Variants in GFPT1 observed in about 807,000 individuals in gnomAD.
The protein encoded by GFPT1 is glutamine--fructose-6-phosphate aminotransferase [isomerizing] 1.
In GFPT1, 40 loss-of-function variants were observed where a neutral mutation model predicts 92.0. The observed-to-expected ratio is 0.43, with a 90% CI of 0.34 to 0.57. The LOEUF (loss-of-function observed/expected upper bound fraction) is 0.57, where lower values mean the gene tolerates loss of function less well. Among genes scored for constraint, GFPT1 ranks in the 20% least tolerant of loss-of-function variants. The probability of loss-of-function intolerance (pLI) is 0.02; values close to 1 mark genes in which losing one functional copy is unlikely to be tolerated. For missense variants in GFPT1, 448 were observed against 869.1 expected, an observed-to-expected ratio of 0.52 and a Z score of 6.09; for synonymous variants, 269 against 280.6, an observed-to-expected ratio of 0.96 and a Z score of 0.41.
intron 12 of GFPT1, 37 bp downstream of exon 12, chr2:69,345,867 A>C: frequency 8.9e-7 from 1 of 1,127,486 alleles, no homozygotes; most frequent in East Asian, 2.3e-5. Flanking sequence ...CTACTGTCAG[A>C]GACACTGAAA....
chr2:69,360,156 T>A (rs368909711), intron 4 of GFPT1, among the ~76,000 whole-genome samples: 294 of 152,008 alleles, frequency 1.9e-3, no homozygotes, highest in African/African-American at 6.9e-3. Context: ...GGCGAAACCC[T>A]GTCTCTACTA....
At chr2:69,363,321 C>T (rs753181742) in intron 4 of GFPT1, among the ~76,000 whole-genome samples, 3 of 152,038 alleles carry the variant, frequency 2.0e-5, no homozygotes, top group Middle Eastern at 3.2e-3. Context: ...CACGGCTGAT[C>T]GTGAACTCCT....
chr2:69,386,675 C>G (rs1574096952), intron 1 of GFPT1, among the ~76,000 whole-genome samples: 1 of 152,118 alleles, frequency 6.6e-6, no homozygotes, highest in Non-Finnish European at 1.5e-5. Flanking sequence ...CAAGAGACCT[C>G]GCCCGAGGTT....
At position 69,322,334 on chromosome 2, in the gene GFPT1, T is replaced by A. The variant is rs968159408; in HGVS notation, c.*3855A>T. ...TTCTTTAGAAAAATCACTTAAGTTG[T>A]AGCATACAATAGTTAACATTAGTTC... is the stretch of plus-strand genomic sequence containing the variant. On this transcript the variant is annotated 3_prime_UTR_variant, in exon 20 of 20. Transcript: ENST00000357308. 1.1e-4 allele frequency: 17 copies of A among 152,168 alleles called. No homozygotes were observed. The highest frequency in any genetic ancestry group is 4.1e-4 in the African/African-American group (17 of 41,452). 9.4% of individuals were successfully genotyped at this position (152,168 alleles called of 1,614,324 possible). A position where few individuals can be genotyped will look rare whatever the true frequency, so the allele number is the denominator to read the frequency against.
chr2:69,360,463 AC>A (rs1671442209), intron 4 of GFPT1, among the ~76,000 whole-genome samples: 2 of 147,430 alleles, frequency 1.4e-5, no homozygotes, highest in Non-Finnish European at 3.0e-5. Context: ...TTTTGGAGAC[AC>A]GATGTTGCTC....
At chr2:69,332,923 C>T (rs1340858062) in intron 15 of GFPT1, among the ~76,000 whole-genome samples, 3 of 152,072 alleles carry the variant, frequency 2.0e-5, no homozygotes, top group African/African-American at 7.2e-5. Context: ...AACTCCTTAA[C>T]ATCCCAATAG....
In GFPT1 at chr2:69,320,286, T is replaced by C. The variant is rs1670375526; in HGVS notation, c.*5903A>G. ...GTACTAGTTAAGAACCAAGGAGTTA[T>C]ACCCAGTTCACAATACTGTTTCCTT... On this transcript the variant is annotated 3_prime_UTR_variant, in exon 20 of 20. Coordinates refer to ENST00000357308, the MANE Select transcript of GFPT1 (RefSeq NM_001244710.2). 1 of 152,238 alleles carries C rather than the reference T, an allele frequency of 6.6e-6. No individual in the cohort carries two copies. The highest frequency in any genetic ancestry group is 6.5e-5 in the Admixed American group (1 of 15,278). The allele number at this position is 152,238 out of a possible 1,614,324, so 9.4% of individuals were successfully genotyped here.
At chr2:69,367,316 C>T (rs1234834245) in intron 3 of GFPT1, among the ~76,000 whole-genome samples, 2 of 151,980 alleles carry the variant, frequency 1.3e-5, no homozygotes, top group Non-Finnish European at 2.9e-5. Flanking sequence ...GCTACATATG[C>T]TCATTCACTA....
At position 69,325,990 on chromosome 2, in the gene GFPT1, C is replaced by A; in HGVS notation, c.*199G>T. 1.8e-6 allele frequency: 1 copy of A among 551,036 alleles called. No individual in the cohort carries two copies. The highest frequency in any genetic ancestry group is 2.6e-5 in the South Asian group (1 of 38,712). The allele number at this position is 551,036 out of a possible 1,614,324, so 34.1% of individuals were successfully genotyped here. ...CAATATAGATTCCATTATTCAAAGT[C>A]CTCCACAAATTACTGGGAAAATGTA... On this transcript the variant is annotated 3_prime_UTR_variant, in exon 20 of 20. Coordinates refer to ENST00000357308, the MANE Select transcript of GFPT1 (RefSeq NM_001244710.2).
intron 1 of GFPT1, among the ~76,000 whole-genome samples, chr2:69,383,076 C>T (rs895586146): frequency 2.0e-5 from 3 of 152,206 alleles, no homozygotes; most frequent in African/African-American, 7.2e-5. Flanking sequence ...CTAACACTTT[C>T]TAGGCACCTG....
At chr2:69,386,430 T>C (rs1421555868) in intron 1 of GFPT1, among the ~76,000 whole-genome samples, 1 of 152,172 alleles carries the variant, frequency 6.6e-6, no homozygotes, top group Non-Finnish European at 1.5e-5. Context: ...AAATGATAAA[T>C]TATGTATAAC....
At chr2:69,335,016 T>G (rs1011833502) in intron 15 of GFPT1, among the ~76,000 whole-genome samples, 1 of 152,032 alleles carries the variant, frequency 6.6e-6, no homozygotes, top group Non-Finnish European at 1.5e-5. Flanking sequence ...AATTTTTATT[T>G]TTTTTTTTAA....
At chr2:69,352,612 C>CAAAAAAAAAAAAAAAAAA (rs748958210) in intron 9 of GFPT1, among the ~76,000 whole-genome samples, 2 of 47,384 alleles carry the variant, frequency 4.2e-5, no homozygotes, top group African/African-American at 1.5e-4. Context: ...GACTTCGTCT[C>CAAAAAAAAAAAAAAAAAA]AAAAAAAAAA....
chr2:69,331,900 T>C (rs1470749139), intron 15 of GFPT1, among the ~76,000 whole-genome samples: 5 of 152,214 alleles, frequency 3.3e-5, no homozygotes, highest in Admixed American at 2.6e-4. Flanking sequence ...GTTATTGTTA[T>C]GTCTCAAATA....
At chr2:69,338,157 G>C (rs535652951) in intron 14 of GFPT1, 102 bp from the exon 15 acceptor site, 10 of 1,051,192 alleles carry the variant, frequency 9.5e-6, no homozygotes, top group Non-Finnish European at 1.5e-5. Flanking sequence ...AATATTACTT[G>C]TTTTAAATAA....
intron 3 of GFPT1, among the ~76,000 whole-genome samples, chr2:69,366,528 A>G (rs1429669601): frequency 2.0e-5 from 3 of 152,218 alleles, no homozygotes; most frequent in Admixed American, 2.0e-4. Flanking sequence ...TCAAATTCAC[A>G]TATCTATTTC....
In GFPT1 at chr2:69,323,216, A is replaced by G. The variant is rs754820489; in HGVS notation, c.*2973T>C. On this transcript the variant is annotated 3_prime_UTR_variant, in exon 20 of 20. Coordinates refer to ENST00000357308, the MANE Select transcript of GFPT1 (RefSeq NM_001244710.2). ...GATGACAGACATGCCTCCCTGCCTA[A>G]AAAGGGCTCAAAGGAACTCTCAGTT... 4.6e-5 allele frequency: 7 copies of G among 152,316 alleles called. No homozygotes were observed. Among genetic ancestry groups the G allele is most frequent in the Non-Finnish European group, 1.0e-4 (7 of 68,014 alleles). 9.4% of individuals were successfully genotyped at this position (152,316 alleles called of 1,614,324 possible). A position where few individuals can be genotyped will look rare whatever the true frequency, so the allele number is the denominator to read the frequency against.
chr2:69,361,128 G>A (rs1671462297), intron 4 of GFPT1, among the ~76,000 whole-genome samples: 1 of 152,004 alleles, frequency 6.6e-6, no homozygotes, highest in Admixed American at 6.6e-5. Context: ...ATTTTTTAGA[G>A]ATGATAGCAA....
rs1287890716 is a variant in GFPT1 at position 69,321,976 on chromosome 2, T to C, written c.*4213A>G. Reference sequence around the variant, plus strand: ...TATTATTGGTTTGAAGCTAATATTATCAGTCCTATTGGCTGTCACTGTCAC... The same window carrying C: ...TATTATTGGTTTGAAGCTAATATTACCAGTCCTATTGGCTGTCACTGTCAC... On this transcript the variant is annotated 3_prime_UTR_variant, in exon 20 of 20. Coordinates refer to ENST00000357308, the MANE Select transcript of GFPT1 (RefSeq NM_001244710.2). The C allele has an allele frequency of 6.6e-6, 1 of 152,210 alleles. No individual in the cohort carries two copies. The highest frequency in any genetic ancestry group is 1.5e-5 in the Non-Finnish European group (1 of 68,024). 9.4% of individuals were successfully genotyped at this position (152,210 alleles called of 1,614,324 possible).
Sources: allele counts gnomAD v4.1 joint callset (sites outside exome capture counted in the v4.1 genomes callset), GRCh38; gene constraint gnomAD v4.1.1; transcripts MANE v1.5; gene names NCBI Gene and HGNC (gene_info 2026-07-23, HGNC 2026-07-21).